ZBTB37: variants seen among roughly 807,000 people sequenced by gnomAD.
ZBTB37 encodes the protein zinc finger and BTB domain containing 37.
Under a neutral mutation model 37.7 loss-of-function variants are expected in ZBTB37, and 15 were observed. That is an observed-to-expected ratio of 0.40 (90% CI 0.27 to 0.61). The LOEUF (loss-of-function observed/expected upper bound fraction) is 0.61. ZBTB37 is among the 20% of genes least tolerant of loss of function. The pLI is 0.44. For synonymous variants in ZBTB37, 231 were observed against 220.6 expected, an observed-to-expected ratio of 1.05 and a Z score of -0.42; for missense variants, 514 against 641.9, an observed-to-expected ratio of 0.80 and a Z score of 2.15.
At chr1:173,874,322 A>G (rs984394046) in intron 4 of ZBTB37, among the ~76,000 whole-genome samples, 2 of 151,776 alleles carry the variant, frequency 1.3e-5, no homozygotes, top group Non-Finnish European at 2.9e-5. Context: ...CTATCTAAAA[A>G]ATCTATAGAA....
chr1:173,884,958 G>A (rs1056922927), intron 4 of ZBTB37, among the ~76,000 whole-genome samples: 2 of 152,190 alleles, frequency 1.3e-5, no homozygotes, highest in African/African-American at 4.8e-5. Flanking sequence ...TTCTGGCTGG[G>A]CGTCGTGGCT....
exon 4 of ZBTB37, chr1:173,892,252 C>A (rs1656869897): frequency 6.6e-6 from 1 of 152,160 alleles, no homozygotes; most frequent in African/African-American, 2.4e-5. Context: ...TATTTGAGGT[C>A]TTGGTAATAG....
exon 4 of ZBTB37, chr1:173,892,533 G>A (rs1656881783): frequency 6.6e-6 from 1 of 152,164 alleles, no homozygotes. Flanking sequence ...ATTATTGATA[G>A]TAGTATCAAA....
At chr1:173,886,819 A>G (rs774392616), downstream of ZBTB37, 2 of 152,450 alleles carry the variant, frequency 1.3e-5, no homozygotes, top group African/African-American at 4.8e-5. Flanking sequence ...AGTGTATGCA[A>G]TAGGTACTGC....
At chr1:173,873,606 G>A in intron 4 of ZBTB37, 40 bp downstream of exon 4, 1 of 1,612,106 alleles carries the variant, frequency 6.2e-7, no homozygotes. Context: ...GGTGGTTGGA[G>A]GAATTGCTAC....
chr1:173,891,490 T>A (rs1432415810), downstream of ZBTB37: 2 of 152,242 alleles, frequency 1.3e-5, no homozygotes, highest in Non-Finnish European at 2.9e-5. Context: ...TATCTTCCCA[T>A]TTCTGTTATT....
chr1:173,889,464 C>G (rs764470259), downstream of ZBTB37: 5 of 152,228 alleles, frequency 3.3e-5, no homozygotes, highest in Non-Finnish European at 5.9e-5. Flanking sequence ...CATGAAATTG[C>G]AAACACTGGG....
chr1:173,868,146 T>TC (rs1392916641), upstream of ZBTB37: 2 of 155,956 alleles, frequency 1.3e-5, no homozygotes, highest in Admixed American at 1.3e-4. Context: ...CCGCCCCTTT[T>TC]CCCCGCCCTT....
chr1:173,879,716 C>T (rs954115058), intron 4 of ZBTB37, among the ~76,000 whole-genome samples: 1 of 152,136 alleles, frequency 6.6e-6, no homozygotes. Context: ...CTTTGGGAGG[C>T]CCAGGTATGT....
intron 4 of ZBTB37, among the ~76,000 whole-genome samples, chr1:173,873,894 A>G (rs559541279): frequency 6.6e-6 from 1 of 152,328 alleles, no homozygotes; most frequent in East Asian, 1.9e-4. Context: ...AAAAGTGATA[A>G]ATTACATGTG....
chr1:173,881,035 A>G (rs916365277), intron 4 of ZBTB37, among the ~76,000 whole-genome samples: 12 of 151,338 alleles, frequency 7.9e-5, no homozygotes, highest in African/African-American at 2.9e-4. Context: ...TACATGTGCC[A>G]TGTTGGTGTG....
chr1:173,877,223 A>G (rs1253303316), intron 4 of ZBTB37, among the ~76,000 whole-genome samples: 3 of 152,186 alleles, frequency 2.0e-5, no homozygotes, highest in African/African-American at 7.2e-5. Flanking sequence ...TAATGGGGGC[A>G]TAAGACAGAC....
chr1:173,883,250 G>A (rs1022228194), intron 4 of ZBTB37, among the ~76,000 whole-genome samples: 6 of 152,164 alleles, frequency 3.9e-5, no homozygotes, highest in Non-Finnish European at 5.9e-5. Context: ...AGGCCAAGGC[G>A]GGCAGATCAC....
At chr1:173,874,167 A>G (rs534856196) in intron 4 of ZBTB37, among the ~76,000 whole-genome samples, 74 of 149,914 alleles carry the variant, frequency 4.9e-4, no homozygotes, top group African/African-American at 1.8e-3. Flanking sequence ...AGGCAGGACA[A>G]TGGCTTGAAC....
intron 4 of ZBTB37, among the ~76,000 whole-genome samples, chr1:173,874,220 A>G (rs988266083): frequency 1.4e-5 from 2 of 142,052 alleles, no homozygotes; most frequent in Non-Finnish European, 3.0e-5. Flanking sequence ...ACACCATTGC[A>G]CTCCAGCCTG....
chr1:173,872,827 G>T (rs1655665552), intron 3 of ZBTB37, among the ~76,000 whole-genome samples: 1 of 64 alleles, frequency 0.016, no homozygotes, highest in African/African-American at 0.062. Context: ...GGCCAACATG[G>T]TGAATCCCAT....
At chr1:173,888,120 C>G (rs1056779571), downstream of ZBTB37, 5 of 152,208 alleles carry the variant, frequency 3.3e-5, no homozygotes, top group African/African-American at 1.2e-4. Flanking sequence ...AAGACATAGA[C>G]TGGTGCATCC....
chr1:173,874,903 C>CT lies in ZBTB37; in HGVS notation c.1023+1346dup, dbSNP rs1301688571. On this transcript the variant is annotated intron_variant, in intron 4 of 4. Transcript: ENST00000427304. ...CAAAGTTAAATACTGTATTTGATTACTTTTTTTTTAAAATTCTTGCTTGTG... is the reference window on the plus strand; with the variant it reads ...CAAAGTTAAATACTGTATTTGATTACTTTTTTTTTTAAAATTCTTGCTTGTG... Among the ~76,000 whole-genome samples, 8 of 151,460 alleles carry CT rather than the reference C, an allele frequency of 5.3e-5. No homozygotes were observed. In the East Asian group the frequency reaches 5.8e-4, roughly 11 times the overall value.
chr1:173,888,225 A>G (rs1388142678), downstream of ZBTB37: 1 of 152,136 alleles, frequency 6.6e-6, no homozygotes, highest in Admixed American at 6.5e-5. Flanking sequence ...GAAAAGGTAA[A>G]GTTGAATTAG....
Sources: allele counts gnomAD v4.1 joint callset (sites outside exome capture counted in the v4.1 genomes callset), GRCh38; gene constraint gnomAD v4.1.1; transcripts MANE v1.5; gene names NCBI Gene and HGNC (gene_info 2026-07-23, HGNC 2026-07-21).